Variants in NTNG1 observed in about 807,000 individuals in gnomAD.
NTNG1 encodes the protein netrin-G1.
NTNG1 carries 16 observed loss-of-function variants against 54.0 expected under a neutral mutation model. The observed-to-expected ratio is 0.30, with a 90% CI of 0.20 to 0.45. The LOEUF (loss-of-function observed/expected upper bound fraction) is 0.45, where lower values mean the gene tolerates loss of function less well. Among genes scored for constraint, NTNG1 ranks in the 20% least tolerant of loss-of-function variants. NTNG1 has a pLI of 1.00. For synonymous variants in NTNG1, 255 were observed against 263.1 expected (o/e 0.97, Z 0.30); for missense variants, 530 against 678.7 (o/e 0.78, Z 2.43).
At chr1:107,361,395 T>A (rs867186929) in intron 3 of NTNG1, among the ~76,000 whole-genome samples, 925 of 76,116 alleles carry the variant, frequency 0.012, 6 homozygotes, top group African/African-American at 0.04. Context: ...ATATATATTT[T>A]TTTTTTTTTT....
intron 3 of NTNG1, among the ~76,000 whole-genome samples, chr1:107,378,214 C>T (rs1671419558): frequency 6.6e-6 from 1 of 152,226 alleles, no homozygotes; most frequent in South Asian, 2.1e-4. Flanking sequence ...ACACCAGGTT[C>T]ATGAGGAACT....
At chr1:107,214,070 A>G (rs1348831532) in intron 2 of NTNG1, among the ~76,000 whole-genome samples, 2 of 152,134 alleles carry the variant, frequency 1.3e-5, no homozygotes, top group African/African-American at 2.4e-5. Context: ...CTTAATTTTA[A>G]TGAAGTAAAA....
chr1:107,371,086 A>C (rs997307618), intron 3 of NTNG1, among the ~76,000 whole-genome samples: 10 of 152,082 alleles, frequency 6.6e-5, no homozygotes, highest in African/African-American at 2.4e-4. Flanking sequence ...TTGACCATTA[A>C]GTGAAATGTT....
At chr1:107,302,963 A>G (rs1256077479) in intron 2 of NTNG1, among the ~76,000 whole-genome samples, 1 of 152,198 alleles carries the variant, frequency 6.6e-6, no homozygotes, top group East Asian at 1.9e-4. Context: ...GCTATTCGCC[A>G]CTCAATACGT....
intron 2 of NTNG1, among the ~76,000 whole-genome samples, chr1:107,153,156 T>C (rs1008866335): frequency 4.6e-5 from 7 of 152,152 alleles, no homozygotes; most frequent in African/African-American, 1.4e-4. Flanking sequence ...TACAAAGCCT[T>C]TGTGTTTTGT....
At chr1:107,338,951 A>T (rs573904152) in intron 3 of NTNG1, among the ~76,000 whole-genome samples, 16 of 152,084 alleles carry the variant, frequency 1.1e-4, no homozygotes, top group African/African-American at 1.4e-4. Context: ...AAGTGTTTTT[A>T]AAAAAAGAAA....
At chr1:107,417,047 A>C (rs1012372252) in intron 5 of NTNG1, among the ~76,000 whole-genome samples, 7 of 152,142 alleles carry the variant, frequency 4.6e-5, no homozygotes, top group African/African-American at 1.7e-4. Context: ...TCACAGATCA[A>C]GTAGGCTTGT....
intron 2 of NTNG1, among the ~76,000 whole-genome samples, chr1:107,164,862 G>A (rs551623266): frequency 2.1e-4 from 32 of 152,272 alleles, no homozygotes; most frequent in African/African-American, 7.5e-4. Flanking sequence ...GGTGCAACTT[G>A]CGACTGAATA....
Position 107,212,955 on chromosome 1 carries a change from C to A in NTNG1, c.246+64116C>A, listed in dbSNP as rs536345700. Among the ~76,000 whole-genome samples the A allele has an allele frequency of 4.6e-5, 7 of 151,940 alleles. No individual in the cohort carries two copies. The South Asian group carries it at 1.5e-3, about 32-fold the overall frequency. ...CAAGTAATTCTCACTGGGAACATCC[C>A]AGGGCAATGCTGCCAATTCCCTTGG... is the stretch of plus-strand genomic sequence containing the variant. On this transcript the variant is annotated intron_variant, in intron 2 of 7. Coordinates refer to ENST00000370068, the MANE Select transcript of NTNG1 (RefSeq NM_001113226.3).
chr1:107,347,510 A>C (rs962830652), intron 3 of NTNG1, among the ~76,000 whole-genome samples: 1 of 152,172 alleles, frequency 6.6e-6, no homozygotes, highest in Non-Finnish European at 1.5e-5. Flanking sequence ...GCGAGATCCT[A>C]TCTCTTAAAA....
chr1:107,246,780 C>G (rs1291551161), intron 2 of NTNG1, among the ~76,000 whole-genome samples: 1 of 152,118 alleles, frequency 6.6e-6, no homozygotes, highest in Admixed American at 6.5e-5. Flanking sequence ...CAGTGAATCA[C>G]ACATAAAATC....
chr1:107,442,035 A>G (rs1369424553), intron 7 of NTNG1, among the ~76,000 whole-genome samples: 1 of 152,156 alleles, frequency 6.6e-6, no homozygotes. Context: ...TACATTGTTC[A>G]GAGGAAAATT....
intron 5 of NTNG1, among the ~76,000 whole-genome samples, chr1:107,430,050 A>G (rs1675156502): frequency 6.6e-6 from 1 of 152,192 alleles, no homozygotes. Context: ...TTGAAACTTA[A>G]GAGAAAAGGA....
rs548655641 is a variant in NTNG1 at position 107,287,506 on chromosome 1, A to G, written c.247-36776A>G. Among the ~76,000 whole-genome samples the G allele has an allele frequency of 1.2e-4, 19 of 152,302 alleles. 1 individual carries two copies. In the South Asian group the frequency reaches 3.5e-3, roughly 28 times the overall value. ...CATGTGCCTGTAGTCCCGACTACTC[A>G]GGAGACTGAGGCGGAAGGATTTCTC... On this transcript the variant is annotated intron_variant, in intron 2 of 7. Coordinates refer to ENST00000370068, the MANE Select transcript of NTNG1 (RefSeq NM_001113226.3).
At chr1:107,338,911 A>G (rs1027728806) in intron 3 of NTNG1, among the ~76,000 whole-genome samples, 5 of 151,964 alleles carry the variant, frequency 3.3e-5, no homozygotes, top group African/African-American at 1.2e-4. Context: ...TGGAAAGTAT[A>G]TTACAAAAAT....
chr1:107,334,623 A>T (rs1011181563), intron 3 of NTNG1, among the ~76,000 whole-genome samples: 6 of 151,966 alleles, frequency 3.9e-5, no homozygotes, highest in Admixed American at 1.3e-4. Context: ...TGAAAAAAAA[A>T]ACATAAAAAT....
At chr1:107,271,016 T>C (rs936032763) in intron 2 of NTNG1, among the ~76,000 whole-genome samples, 4 of 151,942 alleles carry the variant, frequency 2.6e-5, no homozygotes, top group Admixed American at 6.6e-5. Context: ...GTTCTACATA[T>C]TCAACCAAAA....
chr1:107,336,167 G>A (rs1034534658), intron 3 of NTNG1, among the ~76,000 whole-genome samples: 4 of 151,070 alleles, frequency 2.6e-5, no homozygotes, highest in South Asian at 2.1e-4. Context: ...GCGTCACTGG[G>A]GTTTTTATGT....
intron 2 of NTNG1, among the ~76,000 whole-genome samples, chr1:107,259,329 A>G (rs373598386): frequency 7.9e-4 from 120 of 152,260 alleles, no homozygotes; most frequent in African/African-American, 2.7e-3. Flanking sequence ...AAGTGTGTTC[A>G]TTGGAAAAAG....
Sources: allele counts gnomAD v4.1 joint callset (sites outside exome capture counted in the v4.1 genomes callset), GRCh38; gene constraint gnomAD v4.1.1; transcripts MANE v1.5; gene names NCBI Gene and HGNC (gene_info 2026-07-23, HGNC 2026-07-21).